The following PHF2 variants were observed in gnomAD, a reference collection of about 807,000 sequenced individuals.
PHF2 encodes the protein lysine-specific demethylase PHF2.
PHF2 carries 27 observed loss-of-function variants against 120.5 expected under a neutral mutation model. That is an observed-to-expected ratio of 0.22 (90% CI 0.17 to 0.31). The LOEUF (loss-of-function observed/expected upper bound fraction) is 0.31. Among genes scored for constraint, PHF2 ranks in the 10% least tolerant of loss-of-function variants. PHF2 has a pLI of 1.00. For synonymous variants in PHF2, 568 were observed against 592.5 expected, an observed-to-expected ratio of 0.96 and a Z score of 0.60; for missense variants, 1,024 against 1,434.8, an observed-to-expected ratio of 0.71 and a Z score of 4.63.
chr9:93,588,030 C>A (rs1863089466), intron 1 of PHF2, among the ~76,000 whole-genome samples: 1 of 152,172 alleles, frequency 6.6e-6, no homozygotes, highest in African/African-American at 2.4e-5. Flanking sequence ...ACAGGGTCAC[C>A]TCCCTGGAGG....
At chr9:93,637,979 G>C (rs1018527931) in intron 3 of PHF2, among the ~76,000 whole-genome samples, 1 of 152,138 alleles carries the variant, frequency 6.6e-6, no homozygotes, top group Non-Finnish European at 1.5e-5. Flanking sequence ...CTAGCCATGC[G>C]AGTGGGTATG....
chr9:93,672,013 T>A (rs1826804334), intron 17 of PHF2, among the ~76,000 whole-genome samples: 1 of 143,280 alleles, frequency 7.0e-6, no homozygotes, highest in Non-Finnish European at 1.5e-5. Context: ...TAGATGCAGA[T>A]GTGGGTGTGG....
intron 1 of PHF2, among the ~76,000 whole-genome samples, chr9:93,617,109 C>T (rs77586221): frequency 1.3e-5 from 2 of 152,176 alleles, no homozygotes; most frequent in Non-Finnish European, 2.9e-5. Context: ...GTGGCATGGT[C>T]GGAGGGTGTC....
At chr9:93,606,355 G>A (rs4743929) in intron 1 of PHF2, among the ~76,000 whole-genome samples, 47,407 of 152,126 alleles carry the variant, frequency 0.31, 8,176 homozygotes, top group South Asian at 0.6. Context: ...ATGAGAGTTC[G>A]TGTTGCTCTA....
rs535907653 is a variant in PHF2 at position 93,677,751 on chromosome 9, G to C, written c.*75G>C. 1 of 1,133,362 alleles carries C rather than the reference G, an allele frequency of 8.8e-7. No homozygotes were observed. Among genetic ancestry groups the C allele is most frequent in the Non-Finnish European group, 1.3e-6 (1 of 762,776 alleles). 70.2% of individuals were successfully genotyped at this position (1,133,362 alleles called of 1,614,324 possible). ...CGCGAAAACATCTGCCTCCCAGGAG[G>C]GTGCCGAGCTGCCTCACCAGGGAGG... On this transcript the variant is annotated 3_prime_UTR_variant, in exon 22 of 22. Coordinates refer to ENST00000359246, the MANE Select transcript of PHF2 (RefSeq NM_005392.4). The surrounding 1 kb of genome is among the most constrained non-coding windows in gnomAD (Gnocchi z 4.4).
intron 1 of PHF2, among the ~76,000 whole-genome samples, chr9:93,612,571 GA>G (rs1231536015): frequency 6.6e-6 from 1 of 152,248 alleles, no homozygotes; most frequent in Non-Finnish European, 1.5e-5. Context: ...TAGTCAGGCA[GA>G]TACGTTTTCA....
chr9:93,661,972 G>T (rs576859276), intron 12 of PHF2, among the ~76,000 whole-genome samples: 1 of 151,874 alleles, frequency 6.6e-6, no homozygotes, highest in East Asian at 2.0e-4. Context: ...TGGAAAGGTG[G>T]ATGAACAAAC....
intron 1 of PHF2, among the ~76,000 whole-genome samples, chr9:93,623,975 C>T (rs76834016): frequency 2.2e-4 from 33 of 152,336 alleles, no homozygotes; most frequent in African/African-American, 7.5e-4. Flanking sequence ...GTGTTCACTC[C>T]GGGCCAGGCC....
rs1329174440 is a variant in PHF2, at chr9:93,577,003, G to C, written c.98+132G>C. 1.8e-5 allele frequency: 4 copies of C among 218,828 alleles called. No homozygotes were observed. The Admixed American group carries it at 2.7e-4, about 15-fold the overall frequency. The allele number at this position is 218,828 out of a possible 1,614,324, so 13.6% of individuals were successfully genotyped here. On this transcript the variant is annotated intron_variant, in intron 1 of 21. Transcript: ENST00000359246. ...GCCGCCGCCGCCGCCGCCGCATTCC[G>C]GGCGCCCCGGTCGGGGCTGGGCCGT...
Position 93,576,594 on chromosome 9 carries a change from C to A in PHF2, c.-180C>A. On this transcript the variant is annotated 5_prime_UTR_variant, in exon 1 of 22. Coordinates refer to ENST00000359246, the MANE Select transcript of PHF2 (RefSeq NM_005392.4). ...GCCAGCGCGCCCGGCATTGTGTGGA[C>A]GCGCCTGGCCGGGAGCGCGCGCGGG... 6.9e-6 allele frequency: 1 copy of A among 145,684 alleles called. No individual in the cohort carries two copies. The highest frequency in any genetic ancestry group is 1.5e-5 in the Non-Finnish European group (1 of 65,884). The allele number at this position is 145,684 out of a possible 1,614,324, so 9.0% of individuals were successfully genotyped here.
At position 93,674,962 on chromosome 9, in the gene PHF2, A is replaced by G. The variant is rs138412355; in HGVS notation, c.2662A>G (p.Ile888Val). 5 of 1,613,810 alleles carry G rather than the reference A, an allele frequency of 3.1e-6. No homozygotes were observed. Among genetic ancestry groups the G allele is most frequent in the Non-Finnish European group, 4.2e-6 (5 of 1,179,966 alleles). Residue 888 changes from isoleucine (I) to valine (V), a missense_variant, in exon 19 of 22, where the codon ATC (isoleucine) becomes GTC (valine). Ile to Val is a conservative substitution (Grantham distance 29, BLOSUM62 3). Around this residue, in one of 2 missense-constraint regions of PHF2, gnomAD observed 677 missense variants for 857.4 expected, o/e 0.79. Transcript: ENST00000359246. ...PSLESDEDNP[I>V]FKSRSKKRKG... Reference sequence around the variant, plus strand: ...ACTGGAGTCAGATGAAGACAACCCCATCTTTAAGTCCCGGTCGAAGAAAAG... The same window carrying G: ...ACTGGAGTCAGATGAAGACAACCCCGTCTTTAAGTCCCGGTCGAAGAAAAG...
chr9:93,633,607 C>T (rs1176208468), intron 2 of PHF2, among the ~76,000 whole-genome samples: 3 of 152,204 alleles, frequency 2.0e-5, no homozygotes, highest in Non-Finnish European at 4.4e-5. Flanking sequence ...GGCAGTAGAC[C>T]TCCTTGCCCC....
intron 1 of PHF2, among the ~76,000 whole-genome samples, chr9:93,605,514 A>C (rs76488437): frequency 0.13 from 20,514 of 152,252 alleles, 1,413 homozygotes; most frequent in East Asian, 0.2. Flanking sequence ...CATCCCTCCC[A>C]GTACCCCCAA....
intron 1 of PHF2, among the ~76,000 whole-genome samples, chr9:93,608,495 C>T (rs1825582493): frequency 6.6e-6 from 1 of 150,926 alleles, no homozygotes; most frequent in East Asian, 2.0e-4. Context: ...CTTCTATCAT[C>T]TGAAAGAGAC....
chr9:93,659,554 C>G lies in PHF2; in HGVS notation c.1283C>G (p.Pro428Arg). Residue 428 changes from proline (P) to arginine (R), a missense_variant, in exon 11 of 22, where the codon CCT becomes CGT. By Grantham distance (103) the Pro-to-Arg change is moderately radical. This residue lies in a region of PHF2 where 347 missense variants were observed against 577.4 expected (regional missense o/e 0.60). Transcript: ENST00000359246. ...GACGAGCTCCCGGAGCACTTCAAAC[C>G]TTCACAGCTAATCAAAGACCTGGCC... Reference protein sequence around the residue: ...HEDELPEHFKPSQLIKDLAKE... With the variant: ...HEDELPEHFKRSQLIKDLAKE... 6.2e-7 allele frequency: 1 copy of G among 1,614,138 alleles called. No individual in the cohort carries two copies. The highest frequency in any genetic ancestry group is 8.5e-7 in the Non-Finnish European group (1 of 1,180,028).
At chr9:93,646,675 TA>T (rs1826266853) in intron 4 of PHF2, among the ~76,000 whole-genome samples, 1 of 151,942 alleles carries the variant, frequency 6.6e-6, no homozygotes, top group African/African-American at 2.4e-5. Context: ...TCTGGGCACA[TA>T]GGGGCACCCA....
At chr9:93,664,507 T>C (rs544213195) in intron 14 of PHF2, among the ~76,000 whole-genome samples, 2 of 152,314 alleles carry the variant, frequency 1.3e-5, no homozygotes, top group Non-Finnish European at 2.9e-5. Context: ...CAGCAGCCAC[T>C]GACTAACTTG....
intron 1 of PHF2, among the ~76,000 whole-genome samples, chr9:93,602,227 A>G (rs1587673461): frequency 8.9e-6 from 1 of 112,228 alleles, no homozygotes; most frequent in South Asian, 2.8e-4. Context: ...TTTTAAAGTC[A>G]TTTTGCATTC....
At chr9:93,655,309 A>G (rs1182696408) in intron 7 of PHF2, among the ~76,000 whole-genome samples, 1 of 151,400 alleles carries the variant, frequency 6.6e-6, no homozygotes, top group African/African-American at 2.4e-5. Context: ...ATAAGTATCA[A>G]ACTGAGGCCC....
Sources: gnomAD v4.1 joint callset for allele counts (sites outside exome capture counted in the v4.1 genomes callset) on GRCh38, gnomAD v4.1.1 for gene constraint, gnomAD v4.1.1 regional missense constraint, Gnocchi (gnomAD v3.1) non-coding constraint, MANE v1.5 for transcripts, NCBI Gene and HGNC (gene_info 2026-07-23, HGNC 2026-07-21) for gene names.